DOK4: variants seen among roughly 807,000 people sequenced by gnomAD.
The protein encoded by DOK4 is docking protein 4, also known as downstream of tyrosine kinase 4.
Under a neutral mutation model 40.1 loss-of-function variants are expected in DOK4, and 26 were observed. The ratio of observed to expected loss-of-function variants is 0.65; its 90% CI spans 0.48 to 0.90. DOK4 has a LOEUF of 0.90. DOK4 is among the 40% of genes least tolerant of loss of function. The pLI, the probability that DOK4 is intolerant of heterozygous loss-of-function variation, is 0.00. For missense variants in DOK4, 392 were observed against 437.2 expected, an observed-to-expected ratio of 0.90 and a Z score of 0.92; for synonymous variants, 179 against 177.0, an observed-to-expected ratio of 1.01 and a Z score of -0.09.
Position 57,479,548 on chromosome 16 carries a change from G to A in DOK4, c.-41C>T, listed in dbSNP as rs1346037145. ...TAGGGGCGCGGGGCCTGGCAGAGGC[G>A]AGGGGAAGGATGCCCAGGTGCCTGG... On this transcript the variant is annotated 5_prime_UTR_variant, in exon 2 of 9. Transcript: ENST00000340099. The surrounding 1 kb of genome is among the most constrained non-coding windows in gnomAD (Gnocchi z 5.8). 7.5e-6 allele frequency: 12 copies of A among 1,608,270 alleles called. No individual in the cohort carries two copies. The highest frequency in any genetic ancestry group is 4.0e-5 in the African/African-American group (3 of 74,842).
At chr16:57,475,437 G>A (rs186773449) in intron 4 of DOK4, 69 bp downstream of exon 4, 23 of 1,461,778 alleles carry the variant, frequency 1.6e-5, no homozygotes, top group East Asian at 1.2e-4. Flanking sequence ...TGCTCTGCCC[G>A]CTCCTAGCTG....
Position 57,479,667 on chromosome 16 carries a change from C to T in DOK4, c.-160G>A. ...CTCACCCGCCTCAGCATTGTTCTAG[C>T]AGCTCCTTCGCCCCGCGCCTGCTGG... is the stretch of plus-strand genomic sequence containing the variant. On this transcript the variant is annotated 5_prime_UTR_variant, in exon 2 of 9. Coordinates refer to ENST00000340099, the Ensembl canonical transcript of DOK4. The surrounding 1 kb of genome is among the most constrained non-coding windows in gnomAD (Gnocchi z 5.8). The T allele has an allele frequency of 1.5e-6, 1 of 650,852 alleles. No homozygotes were observed. The highest frequency in any genetic ancestry group is 2.8e-5 in the East Asian group (1 of 35,484). 40.3% of individuals were successfully genotyped at this position (650,852 alleles called of 1,614,324 possible). A position where few individuals can be genotyped will look rare whatever the true frequency, so the allele number is the denominator to read the frequency against.
At chr16:57,475,641 G>A in intron 3 of DOK4, 21 bp from the exon 4 acceptor site, 1 of 1,548,652 alleles carries the variant, frequency 6.5e-7, no homozygotes, top group Non-Finnish European at 8.8e-7. Flanking sequence ...ATCCACAAGG[G>A]ACTTAGCCAG....
exon 6 of DOK4, chr16:57,474,803 C>G: frequency 6.2e-7 from 1 of 1,613,856 alleles, no homozygotes; most frequent in South Asian, 1.1e-5. Flanking sequence ...CGGCCAGCCT[C>G]GAAGGTAAAG....
rs1462089567 is a variant in DOK4 at position 57,485,137 on chromosome 16, G to A, written c.-182+1168C>T. ...GGGCTCCCAGCTCCTGGGTCTCAGC[G>A]CTGACTGGCATGGCCAGCAGGCTGT... On this transcript the variant is annotated intron_variant, in intron 1 of 8. Coordinates refer to ENST00000340099, the Ensembl canonical transcript of DOK4. This position sits in a 1 kb window ranked among gnomAD's most constrained non-coding sequence, Gnocchi z 4.3. 6.6e-6 allele frequency among the ~76,000 whole-genome samples: 1 copy of A among 152,232 alleles called. No homozygotes were observed. Among genetic ancestry groups the A allele is most frequent in the Non-Finnish European group, 1.5e-5 (1 of 68,046 alleles).
intron 1 of DOK4, among the ~76,000 whole-genome samples, chr16:57,482,351 G>T: frequency 1.4e-5 from 2 of 145,990 alleles, no homozygotes; most frequent in South Asian, 4.4e-4. Context: ...TGTTTGTAGA[G>T]ATGGGGCTTT....
chr16:57,475,939 G>A, exon 3 of DOK4: 2 of 1,613,104 alleles, frequency 1.2e-6, no homozygotes, highest in Non-Finnish European at 1.7e-6. Context: ...CGGAACACCA[G>A]CCAGCACCTC....
At position 57,485,928 on chromosome 16, in the gene DOK4, G is replaced by A. The variant is rs1325040905; in HGVS notation, c.-182+377C>T. On this transcript the variant is annotated intron_variant, in intron 1 of 8. Transcript: ENST00000340099. This position sits in a 1 kb window ranked among gnomAD's most constrained non-coding sequence, Gnocchi z 4.3. ...TGAGCGAACAGGAGGCCCCGGGGAG[G>A]AGCAGGAAGGCAGAGAGAAGGTTGG... Among the ~76,000 whole-genome samples, 1 of 152,190 alleles carries A rather than the reference G, an allele frequency of 6.6e-6. No homozygotes were observed. The highest frequency in any genetic ancestry group is 1.9e-4 in the East Asian group (1 of 5,176).
chr16:57,473,333 A>G (rs572176670), exon 9 of DOK4: 4 of 1,582,460 alleles, frequency 2.5e-6, no homozygotes, highest in East Asian at 2.2e-5. Flanking sequence ...CCAGCCCCGC[A>G]GCAGGCAGCC....
At chr16:57,482,363 G>GT (rs11390639) in intron 1 of DOK4, among the ~76,000 whole-genome samples, 42,520 of 93,138 alleles carry the variant, frequency 0.46, 11,304 homozygotes, top group Non-Finnish European at 0.52. Flanking sequence ...TGGGGCTTTT[G>GT]TTTTTTTTTT....
intron 2 of DOK4, among the ~76,000 whole-genome samples, chr16:57,478,324 T>C (rs2031274037): frequency 6.6e-6 from 1 of 151,964 alleles, no homozygotes; most frequent in African/African-American, 2.4e-5. Context: ...GGTACCCAGG[T>C]AGGGAAGCTG....
exon 7 of DOK4, chr16:57,473,939 G>A: frequency 6.2e-7 from 1 of 1,601,834 alleles, no homozygotes; most frequent in Non-Finnish European, 8.5e-7. Flanking sequence ...ACCCGCTTGT[G>A]CTGCTCTGCG....
In DOK4 at chr16:57,479,490, A is replaced by G; in HGVS notation, c.18T>C (p.Ser6=). Reference sequence around the variant, plus strand: ...TCACGTAGCCTTGCTTGACGATGTCACTGAAATTGGTCGCCATGGTTTTCC... The same window carrying G: ...TCACGTAGCCTTGCTTGACGATGTCGCTGAAATTGGTCGCCATGGTTTTCC... Residue 6 remains serine, a synonymous_variant, in exon 2 of 9, where the codon AGT becomes AGC. Transcript: ENST00000340099. The surrounding 1 kb of genome is among the most constrained non-coding windows in gnomAD (Gnocchi z 5.8). 1 of 1,613,492 alleles carries G rather than the reference A, an allele frequency of 6.2e-7. No homozygotes were observed. The highest frequency in any genetic ancestry group is 8.5e-7 in the Non-Finnish European group (1 of 1,179,824).
At chr16:57,474,075 C>G in intron 6 of DOK4, 36 bp from the exon 7 acceptor site, 8 of 1,611,874 alleles carry the variant, frequency 5.0e-6, no homozygotes, top group Non-Finnish European at 6.8e-6. Flanking sequence ...ATGGTGGGGA[C>G]CCACCACAGA....
exon 8 of DOK4, chr16:57,473,677 C>A: frequency 6.2e-7 from 1 of 1,614,188 alleles, no homozygotes; most frequent in Non-Finnish European, 8.5e-7. Context: ...AGGCACTGCG[C>A]GGCAGCATGG....
Position 57,474,986 on chromosome 16 carries a change from G to A in DOK4, c.410-4C>T. On this transcript the variant is annotated splice_polypyrimidine_tract_variant and splice_region_variant and intron_variant, in intron 5 of 8. Transcript: ENST00000340099. ...AGCAGGAAGACATTGAAGCGATCTG[G>A]AGTGGGGGAGGGTGGACAAGTGGGA... 1 of 1,605,458 alleles carries A rather than the reference G, an allele frequency of 6.2e-7. No individual in the cohort carries two copies. Among genetic ancestry groups the A allele is most frequent in the Non-Finnish European group, 8.5e-7 (1 of 1,174,100 alleles).
chr16:57,474,873 A>C (rs1272717815), exon 6 of DOK4: 1 of 1,614,052 alleles, frequency 6.2e-7, no homozygotes, highest in East Asian at 2.2e-5. Context: ...CGAGCTTCAC[A>C]CGGGGGTTGT....
intron 6 of DOK4, among the ~76,000 whole-genome samples, chr16:57,474,345 CTG>C (rs1485727535): frequency 1.3e-5 from 2 of 152,158 alleles, no homozygotes; most frequent in Admixed American, 6.5e-5. Context: ...GATGAGGAAA[CTG>C]AGGCATACAG....
rs1187088763 is a variant in DOK4 at position 57,485,242 on chromosome 16, G to A, written c.-182+1063C>T. 3.3e-5 allele frequency among the ~76,000 whole-genome samples: 5 copies of A among 152,244 alleles called. No individual in the cohort carries two copies. The highest frequency in any genetic ancestry group is 4.8e-5 in the African/African-American group (2 of 41,456). ...CAGGGAAGAGCATGCTGCTGACATCGAGGCCAGGCCTAGTTGGGCGGCCCC... is the reference window on the plus strand; with the variant it reads ...CAGGGAAGAGCATGCTGCTGACATCAAGGCCAGGCCTAGTTGGGCGGCCCC... On this transcript the variant is annotated intron_variant, in intron 1 of 8. Transcript: ENST00000340099. The surrounding 1 kb of genome is among the most constrained non-coding windows in gnomAD (Gnocchi z 4.3).
Sources: allele counts gnomAD v4.1 joint callset (sites outside exome capture counted in the v4.1 genomes callset), GRCh38; gene constraint gnomAD v4.1.1; non-coding constraint Gnocchi (gnomAD v3.1); transcripts MANE v1.5; gene names NCBI Gene and HGNC (gene_info 2026-07-23, HGNC 2026-07-21).